Variants in TRIM42 observed in about 807,000 individuals in gnomAD.
TRIM42 encodes the protein tripartite motif containing 42.
TRIM42 carries 59 observed loss-of-function variants against 64.9 expected under a neutral mutation model. That is an observed-to-expected ratio of 0.91 (90% CI 0.74 to 1.13). The LOEUF (loss-of-function observed/expected upper bound fraction) is 1.13, where lower values mean the gene tolerates loss of function less well. Ranked by LOEUF, TRIM42 falls within the 50% of genes most tolerant of loss-of-function variation. The pLI, the probability that TRIM42 is intolerant of heterozygous loss-of-function variation, is 0.00. For synonymous variants in TRIM42, 354 were observed against 346.3 expected (o/e 1.02, Z -0.25); for missense variants, 878 against 929.5 (o/e 0.94, Z 0.72).
intron 1 of TRIM42, among the ~76,000 whole-genome samples, chr3:140,681,647 G>GA (rs5852991): frequency 0.48 from 71,972 of 149,294 alleles, 17,811 homozygotes; most frequent in Non-Finnish European, 0.56. Context: ...TGTCCTCCAG[G>GA]AAAAAAAAAA....
rs777935873 is a variant in TRIM42, at chr3:140,683,041, A to G, written c.921A>G (p.Lys307=). The G allele has an allele frequency of 1.9e-6, 3 of 1,614,138 alleles. No individual in the cohort carries two copies. The Admixed American group carries it at 5.0e-5, about 27-fold the overall frequency. The change falls in exon 2 of 5, where the codon AAA becomes AAG. Residue 307 remains lysine, a synonymous_variant. Transcript: ENST00000286349. Reference sequence around the variant, plus strand: ...TCGAGTACTGCCGCAATGACAACAAATTGCTCTGCACCTTCTGCAAGTTCT... The same window carrying G: ...TCGAGTACTGCCGCAATGACAACAAGTTGCTCTGCACCTTCTGCAAGTTCT... ...RIIEYCRNDN[K]LLCTFCKFSF...
At chr3:140,696,526 T>A (rs1294009654) in intron 4 of TRIM42, among the ~76,000 whole-genome samples, 10 of 152,224 alleles carry the variant, frequency 6.6e-5, no homozygotes, top group Non-Finnish European at 1.5e-4. Context: ...AAGCGTTCTC[T>A]GGGTTATTGA....
rs375439126 is a variant in TRIM42 at position 140,692,562 on chromosome 3, C to CACACACACACAG, written c.2085+1371_2085+1372insCACACACACAGA. The stretch of plus-strand genomic sequence containing the variant: ...ACACACACACACACACACACACACA[C>CACACACACACAG]AGAGAGAGATAGAGAGAGAGAGAGA... On this transcript the variant is annotated intron_variant, in intron 4 of 4. Transcript: ENST00000286349. 3.0e-3 allele frequency among the ~76,000 whole-genome samples: 343 copies of CACACACACACAG among 114,150 alleles called. 2 individuals carry two copies. The highest frequency in any genetic ancestry group is 9.3e-3 in the Middle Eastern group (2 of 214). 74.9% of individuals were successfully genotyped at this position (114,150 alleles called of 152,430 possible).
intron 4 of TRIM42, among the ~76,000 whole-genome samples, chr3:140,694,002 A>C (rs1442039048): frequency 2.0e-5 from 3 of 152,170 alleles, no homozygotes; most frequent in Admixed American, 1.3e-4. Context: ...CTTCCATTTT[A>C]CAGATAAGAA....
chr3:140,688,621 C>A, intron 3 of TRIM42, 79 bp downstream of exon 3: 1 of 1,166,986 alleles, frequency 8.6e-7, no homozygotes, highest in Non-Finnish European at 1.2e-6. Flanking sequence ...GGAAAGGTTG[C>A]ACTTACCTCT....
At chr3:140,680,282 G>C (rs1432860675) in intron 1 of TRIM42, among the ~76,000 whole-genome samples, 1 of 151,996 alleles carries the variant, frequency 6.6e-6, no homozygotes, top group Non-Finnish European at 1.5e-5. Flanking sequence ...CCTGGCTTCT[G>C]ACCCTCTGCC....
Position 140,687,729 on chromosome 3 carries a change from T to G in TRIM42, c.1047T>G (p.Tyr349Ter), listed in dbSNP as rs1228866228. Residue 349 changes from tyrosine to a stop codon, truncating the protein, a stop_gained, in exon 3 of 5, where the codon TAT becomes TAG. Coordinates refer to ENST00000286349, the MANE Select transcript of TRIM42 (RefSeq NM_152616.5). LOFTEE classifies it high-confidence loss of function. ...AACTTGGCATTTTTGCAGTCCGATA[T>G]GAAATTGATAATGACCTAATGGAAT... ...SAIAKFKAVR[Y>*]EIDNDLMEFN... 1.9e-6 allele frequency: 3 copies of G among 1,601,818 alleles called. No individual in the cohort carries two copies. The highest frequency in any genetic ancestry group is 1.3e-5 in the African/African-American group (1 of 74,180).
In TRIM42 at chr3:140,696,557, T is replaced by A. The variant is rs550980750; in HGVS notation, c.2086-4331T>A. On this transcript the variant is annotated intron_variant, in intron 4 of 4. Coordinates refer to ENST00000286349, the MANE Select transcript of TRIM42 (RefSeq NM_152616.5). ...ATTGATTAGTTTGCTAAGGCTTCCA[T>A]AAGAAAATGCCACAGACTGGGTGGC... Among the ~76,000 whole-genome samples the A allele has an allele frequency of 2.6e-5, 4 of 152,334 alleles. 1 individual carries two copies. The South Asian group carries it at 8.3e-4, about 32-fold the overall frequency.
chr3:140,694,700 A>C (rs1231972447), intron 4 of TRIM42, among the ~76,000 whole-genome samples: 1 of 152,160 alleles, frequency 6.6e-6, no homozygotes, highest in East Asian at 1.9e-4. Context: ...CACTGGGTAA[A>C]ATCTGTGTCA....
At chr3:140,696,840 C>G (rs1224558449) in intron 4 of TRIM42, among the ~76,000 whole-genome samples, 5 of 152,198 alleles carry the variant, frequency 3.3e-5, no homozygotes, top group Non-Finnish European at 5.9e-5. Context: ...AAGGCCCTAT[C>G]TCCAAATATA....
At chr3:140,697,936 G>A (rs1344856759) in intron 4 of TRIM42, among the ~76,000 whole-genome samples, 1 of 152,164 alleles carries the variant, frequency 6.6e-6, no homozygotes, top group Non-Finnish European at 1.5e-5. Flanking sequence ...GCCGGCCTCA[G>A]CCTCCCAAAG....
At chr3:140,699,525 C>T (rs779582135) in intron 4 of TRIM42, among the ~76,000 whole-genome samples, 3 of 152,122 alleles carry the variant, frequency 2.0e-5, no homozygotes, top group Non-Finnish European at 4.4e-5. Context: ...CTTCTTTCTA[C>T]CTGATTCCCT....
At chr3:140,687,678 G>A in intron 2 of TRIM42, 44 bp from the exon 3 acceptor site, 1 of 1,461,090 alleles carries the variant, frequency 6.8e-7, no homozygotes, top group South Asian at 1.3e-5. Context: ...TTGACACCTG[G>A]GGAGATGAAA....
chr3:140,688,523 T>G lies in TRIM42; in HGVS notation c.1841T>G (p.Val614Gly), dbSNP rs200848906. Residue 614 changes from valine (V) to glycine (G), a missense_variant, in exon 3 of 5, where the codon GTG becomes GGG. By Grantham distance (109) the Val-to-Gly change is moderately radical. Coordinates refer to ENST00000286349, the MANE Select transcript of TRIM42 (RefSeq NM_152616.5). The part of the protein sequence containing the change: ...PGPIVIYQTL[V>G]YPRAAKVYWT... Reference sequence around the variant, plus strand: ...CCAATTGTTATCTACCAGACTCTGGTGTACCCAAGAGCTGCCAAGGTAAGA... The same window carrying G: ...CCAATTGTTATCTACCAGACTCTGGGGTACCCAAGAGCTGCCAAGGTAAGA... 1.2e-6 allele frequency: 2 copies of G among 1,611,542 alleles called. No homozygotes were observed. Among genetic ancestry groups the G allele is most frequent in the East Asian group, 4.5e-5 (2 of 44,862 alleles).
chr3:140,692,590 G>GAGAT (rs1401997544), intron 4 of TRIM42, among the ~76,000 whole-genome samples: 230 of 146,622 alleles, frequency 1.6e-3, no homozygotes, highest in Non-Finnish European at 2.5e-3. Flanking sequence ...GAGAGAGAGA[G>GAGAT]AGGTCAAACC....
At chr3:140,692,530 TAC>T (rs1553763786) in intron 4 of TRIM42, among the ~76,000 whole-genome samples, 1,168 of 108,410 alleles carry the variant, frequency 0.011, 20 homozygotes, top group African/African-American at 0.033. Context: ...CACATACACA[TAC>T]ACACACACAC....
chr3:140,697,745 G>A (rs1241605352), intron 4 of TRIM42, among the ~76,000 whole-genome samples: 2 of 152,136 alleles, frequency 1.3e-5, no homozygotes, highest in Admixed American at 1.3e-4. Flanking sequence ...GTGCAGTGGC[G>A]CGATCTCGGC....
In TRIM42 at chr3:140,688,402, T is replaced by TA; in HGVS notation, c.1721dup (p.Tyr574Ter). ...CAAACCCACAGACGGCCTCTACACC[T>TA]ACTGGAGTGCTGGAGCAGACAGCCA... is the stretch of plus-strand genomic sequence containing the variant. ...PAKPTDGLYT[Y>*]WSAGADSQSV... is the part of the protein sequence containing the mutation. The change falls in exon 3 of 5, where the codon TAC becomes TAAC. Residue 574 changes from tyrosine (Y) to a stop codon, truncating the protein, a stop_gained and frameshift_variant. Transcript: ENST00000286349. LOFTEE classifies it high-confidence loss of function. 1 of 1,614,150 alleles carries TA rather than the reference T, an allele frequency of 6.2e-7. No homozygotes were observed.
At chr3:140,692,391 G>A (rs895256099) in intron 4 of TRIM42, among the ~76,000 whole-genome samples, 6 of 152,002 alleles carry the variant, frequency 3.9e-5, no homozygotes, top group African/African-American at 7.3e-5. Flanking sequence ...TAGTAATAAA[G>A]GCAAAGCAGG....
Sources: allele counts gnomAD v4.1 joint callset (sites outside exome capture counted in the v4.1 genomes callset), GRCh38; gene constraint gnomAD v4.1.1; transcripts MANE v1.5; gene names NCBI Gene and HGNC (gene_info 2026-07-23, HGNC 2026-07-21).